Variants in PTPRD observed in about 807,000 individuals in gnomAD.
The protein encoded by PTPRD is receptor-type tyrosine-protein phosphatase delta.
PTPRD carries 34 observed loss-of-function variants against 214.5 expected under a neutral mutation model. That is an observed-to-expected ratio of 0.16 (90% CI 0.12 to 0.21). PTPRD has a LOEUF of 0.21. Among genes scored for constraint, PTPRD ranks in the 10% least tolerant of loss-of-function variants. The pLI is 1.00. For missense variants in PTPRD, 2,545 were observed against 2,398.7 expected (o/e 1.06, Z -1.27); for synonymous variants, 1,128 against 845.7 (o/e 1.33, Z -5.79).
Position 8,353,838 on chromosome 9 carries a change from A to ATGTGTATATGTGTATATATGTGTATATG in PTPRD, c.4662-11861_4662-11860insCATATACACATATATACACATATACACA, listed in dbSNP as rs756242146. Among the ~76,000 whole-genome samples, 16 of 46,684 alleles carry ATGTGTATATGTGTATATATGTGTATATG rather than the reference A, an allele frequency of 3.4e-4. 1 individual carries two copies. The highest frequency in any genetic ancestry group is 1.6e-3 in the East Asian group (1 of 614). 30.6% of individuals were successfully genotyped at this position (46,684 alleles called of 152,430 possible). A position where few individuals can be genotyped will look rare whatever the true frequency, so the allele number is the denominator to read the frequency against. On this transcript the variant is annotated intron_variant, in intron 39 of 45. Transcript: ENST00000381196. ...AAAAAATATATGTATATATGTATATATGTATATATGTATATATGTGTATAT... is the reference window on the plus strand; with the variant it reads ...AAAAAATATATGTATATATGTATATATGTGTATATGTGTATATATGTGTATATGTGTATATATGTATATATGTGTATAT...
At chr9:8,380,716 G>C (rs553889080) in intron 37 of PTPRD, among the ~76,000 whole-genome samples, 1 of 152,166 alleles carries the variant, frequency 6.6e-6, no homozygotes, top group African/African-American at 2.4e-5. Context: ...CAAATATCTG[G>C]TAGGAGCTGA....
chr9:10,441,226 G>C (rs568167804), intron 2 of PTPRD, among the ~76,000 whole-genome samples: 3 of 151,632 alleles, frequency 2.0e-5, no homozygotes, highest in Admixed American at 1.3e-4. Context: ...TCATTCAACT[G>C]CTTTCCACAA....
At chr9:9,192,389 C>G (rs543169945) in intron 9 of PTPRD, among the ~76,000 whole-genome samples, 1 of 152,098 alleles carries the variant, frequency 6.6e-6, no homozygotes, top group South Asian at 2.1e-4. Flanking sequence ...TGGTAGTAGG[C>G]TAATGAGAGA....
At chr9:10,242,923 G>C (rs2091385188) in intron 3 of PTPRD, among the ~76,000 whole-genome samples, 1 of 147,674 alleles carries the variant, frequency 6.8e-6, no homozygotes. Flanking sequence ...AGGAAGGGAA[G>C]AGAGGGAGGG....
intron 14 of PTPRD, among the ~76,000 whole-genome samples, chr9:8,595,468 T>A (rs570279917): frequency 6.6e-6 from 1 of 152,152 alleles, no homozygotes; most frequent in Non-Finnish European, 1.5e-5. Flanking sequence ...TTTATCTGGA[T>A]ATAAGCCATG....
intron 7 of PTPRD, among the ~76,000 whole-genome samples, chr9:9,694,748 C>A (rs1300839942): frequency 6.6e-6 from 1 of 152,146 alleles, no homozygotes; most frequent in African/African-American, 2.4e-5. Context: ...CTGTGGCTGC[C>A]ACCACCACTG....
intron 2 of PTPRD, among the ~76,000 whole-genome samples, chr9:10,418,015 A>G (rs186060000): frequency 2.8e-4 from 42 of 152,022 alleles, no homozygotes; most frequent in East Asian, 2.0e-3. Flanking sequence ...TAAAGCAGAA[A>G]AAAAGGAAGA....
chr9:9,408,805 T>G (rs1587569545), intron 8 of PTPRD, among the ~76,000 whole-genome samples: 2 of 152,038 alleles, frequency 1.3e-5, no homozygotes, highest in South Asian at 2.1e-4. Context: ...TCCCTCATAC[T>G]GTCTGGCACA....
intron 31 of PTPRD, among the ~76,000 whole-genome samples, chr9:8,469,337 G>T (rs10977132): frequency 0.11 from 15,983 of 151,954 alleles, 1,254 homozygotes; most frequent in African/African-American, 0.21. Context: ...AAGCTTATTA[G>T]TTAAAACTAT....
intron 9 of PTPRD, among the ~76,000 whole-genome samples, chr9:9,237,166 C>A (rs370917819): frequency 3.2e-4 from 49 of 152,236 alleles, no homozygotes; most frequent in African/African-American, 1.2e-3. Context: ...TAGTTGGAAA[C>A]CTGATTCCTG....
Position 10,479,753 on chromosome 9 carries a change from C to A in PTPRD, c.-600+132645G>T, listed in dbSNP as rs183770074. Among the ~76,000 whole-genome samples, 560 of 151,998 alleles carry A rather than the reference C, an allele frequency of 3.7e-3. 3 individuals carry two copies. The highest frequency in any genetic ancestry group is 6.8e-3 in the Middle Eastern group (2 of 294). On this transcript the variant is annotated intron_variant, in intron 2 of 45. Coordinates refer to ENST00000381196, the MANE Select transcript of PTPRD (RefSeq NM_002839.4). ...GGTAAGGTCGCTTGAGCCCAGGGTTCCAGGCTGCAGTGGGCCTTGATTACA... is the reference window on the plus strand; with the variant it reads ...GGTAAGGTCGCTTGAGCCCAGGGTTACAGGCTGCAGTGGGCCTTGATTACA...
At chr9:9,881,859 C>T (rs548319832) in intron 5 of PTPRD, among the ~76,000 whole-genome samples, 1 of 152,058 alleles carries the variant, frequency 6.6e-6, no homozygotes, top group South Asian at 2.1e-4. Flanking sequence ...CCTCTTATAC[C>T]TCTACATTTA....
At chr9:9,519,668 ATATAAC>A (rs1450858059) in intron 8 of PTPRD, among the ~76,000 whole-genome samples, 1 of 152,060 alleles carries the variant, frequency 6.6e-6, no homozygotes, top group Non-Finnish European at 1.5e-5. Context: ...ATAACTACAA[ATATAAC>A]TATAAAACAC....
chr9:8,993,823 G>A (rs534627822), intron 11 of PTPRD, among the ~76,000 whole-genome samples: 2 of 152,128 alleles, frequency 1.3e-5, no homozygotes, highest in Admixed American at 1.3e-4. Flanking sequence ...ATTACACACT[G>A]GGGGACCCGA....
At chr9:8,873,265 C>G (rs1342352898) in intron 11 of PTPRD, among the ~76,000 whole-genome samples, 1 of 152,174 alleles carries the variant, frequency 6.6e-6, no homozygotes, top group Admixed American at 6.5e-5. Context: ...TTCTTGACCC[C>G]TTGGCATGAA....
chr9:10,410,253 G>GTGTATATATATA (rs141919119), intron 2 of PTPRD, among the ~76,000 whole-genome samples: 11 of 127,138 alleles, frequency 8.7e-5, no homozygotes, highest in South Asian at 8.0e-4. Flanking sequence ...CATATTTTGT[G>GTGTATATATATA]TATATATATA....
rs113331429 is a variant in PTPRD, at chr9:8,703,208, G to C, written c.64+30572C>G. ...GCAGGATGGTAATAGACTATTCTTT[G>C]AGGAGATCAGCAGGAAAGTGAAGAA... On this transcript the variant is annotated intron_variant, in intron 12 of 45. Transcript: ENST00000381196. Among the ~76,000 whole-genome samples the C allele has an allele frequency of 5.3e-3, 802 of 152,298 alleles. 12 individuals are homozygous for C. Among genetic ancestry groups the C allele is most frequent in the African/African-American group, 0.018 (760 of 41,554 alleles).
At chr9:8,592,679 A>T (rs181439363) in intron 14 of PTPRD, among the ~76,000 whole-genome samples, 1 of 152,262 alleles carries the variant, frequency 6.6e-6, no homozygotes, top group African/African-American at 2.4e-5. Context: ...GTGGTTACTG[A>T]GTGGCAGATA....
At chr9:9,436,707 G>A (rs957986123) in intron 8 of PTPRD, among the ~76,000 whole-genome samples, 1 of 151,894 alleles carries the variant, frequency 6.6e-6, no homozygotes, top group African/African-American at 2.4e-5. Context: ...GAAGGAAGTA[G>A]AAGTTGGAAT....
Sources: gnomAD v4.1 joint callset for allele counts (sites outside exome capture counted in the v4.1 genomes callset) on GRCh38, gnomAD v4.1.1 for gene constraint, MANE v1.5 for transcripts, NCBI Gene and HGNC (gene_info 2026-07-23, HGNC 2026-07-21) for gene names.